Variants in CLIC5 observed in about 807,000 individuals in gnomAD.
CLIC5 encodes the protein chloride intracellular channel protein 5.
Under a neutral mutation model 24.7 loss-of-function variants are expected in CLIC5, and 20 were observed. The observed-to-expected ratio is 0.81, with a 90% CI of 0.57 to 1.18. The LOEUF is 1.18. Ranked by LOEUF, CLIC5 falls within the 50% of genes most tolerant of loss-of-function variation. CLIC5 has a pLI of 0.00. For missense variants in CLIC5, 341 were observed against 326.1 expected, an observed-to-expected ratio of 1.05 and a Z score of -0.35; for synonymous variants, 159 against 135.6, an observed-to-expected ratio of 1.17 and a Z score of -1.20.
At chr6:46,116,392 C>T in the CLIC5 span, among the ~76,000 whole-genome samples, 1 of 152,224 alleles carries the variant, frequency 6.6e-6, no homozygotes, top group South Asian at 2.1e-4. Context: ...CCTACCAGAC[C>T]TGAATTTGAG....
intron 1 of CLIC5, among the ~76,000 whole-genome samples, chr6:46,064,207 A>G (rs1266627935): frequency 6.6e-6 from 1 of 152,174 alleles, no homozygotes; most frequent in African/African-American, 2.4e-5. Flanking sequence ...AAATAATTTG[A>G]AGGAAACAAA....
At chr6:46,082,672 C>T (rs1353978686), upstream of CLIC5, among the ~76,000 whole-genome samples, 2 of 152,066 alleles carry the variant, frequency 1.3e-5, no homozygotes, top group Non-Finnish European at 2.9e-5. Flanking sequence ...TCAATTCCCC[C>T]AACTCCTATA....
chr6:46,005,977 T>TGG (rs1238014603), intron 1 of CLIC5, among the ~76,000 whole-genome samples: 79 of 125,274 alleles, frequency 6.3e-4, no homozygotes, highest in African/African-American at 2.5e-3. Flanking sequence ...AGAGCCTATG[T>TGG]GTGTATATAT....
At chr6:45,983,038 G>T (rs923738042) in intron 1 of CLIC5, among the ~76,000 whole-genome samples, 6 of 152,166 alleles carry the variant, frequency 3.9e-5, no homozygotes, top group African/African-American at 1.4e-4. Context: ...ACAGGGAAAA[G>T]GCCACAAGGT....
upstream of CLIC5, among the ~76,000 whole-genome samples, chr6:46,082,303 A>G (rs1762940927): frequency 6.6e-6 from 1 of 152,244 alleles, no homozygotes; most frequent in Non-Finnish European, 1.5e-5. Context: ...AGATATTTCA[A>G]ATTAGGTCCC....
chr6:45,914,027 CT>C (rs1762917852), intron 5 of CLIC5, among the ~76,000 whole-genome samples, 200 bp downstream of exon 5: 1 of 152,120 alleles, frequency 6.6e-6, no homozygotes, highest in African/African-American at 2.4e-5. Context: ...CAATATATGC[CT>C]ATTTTATAAA....
the CLIC5 span, among the ~76,000 whole-genome samples, chr6:46,096,610 C>A: frequency 3.3e-5 from 5 of 152,336 alleles, no homozygotes; most frequent in African/African-American, 1.2e-4. Context: ...GACATGGCTG[C>A]TGGCCTCCAA....
At position 45,936,812 on chromosome 6, in the gene CLIC5, G is replaced by C. The variant is rs147052391; in HGVS notation, c.406+4735C>G. On this transcript the variant is annotated intron_variant, in intron 4 of 5. Transcript: ENST00000339561. ...CCAGGCGTGTGGGTGAGAGATCTTA[G>C]AGCACAAGAAAACGAAGCAACTTCC... 6.4e-3 allele frequency among the ~76,000 whole-genome samples: 981 copies of C among 152,242 alleles called. 5 individuals are homozygous for C. Among genetic ancestry groups the C allele is most frequent in the Non-Finnish European group, 0.011 (729 of 68,016 alleles).
In CLIC5 at chr6:45,955,154, T is replaced by A. The variant is rs764348630; in HGVS notation, c.154A>T (p.Thr52Ser). ...LWLKGVVFNV[T>S]TVDLKRKPAD... Reference sequence around the variant, plus strand: ...CGTTACCTTTTCAGATCCACAGTGGTGACATTGAACACGACTCCTTTCAGC... The same window carrying A: ...CGTTACCTTTTCAGATCCACAGTGGAGACATTGAACACGACTCCTTTCAGC... Residue 52 changes from threonine to serine, a missense_variant, in exon 2 of 6, where the codon ACC becomes TCC. By Grantham distance (58) the Thr-to-Ser change is moderately conservative (BLOSUM62 1). Transcript: ENST00000339561. 1.9e-5 allele frequency: 31 copies of A among 1,612,704 alleles called. No individual in the cohort carries two copies. The highest frequency in any genetic ancestry group is 2.7e-5 in the African/African-American group (2 of 74,852).
At chr6:45,949,402 A>G in intron 2 of CLIC5, 21 bp from the exon 3 acceptor site, 1 of 1,608,010 alleles carries the variant, frequency 6.2e-7, no homozygotes, top group Non-Finnish European at 8.5e-7. Context: ...AGCAAGATTC[A>G]GGTGTTGGCT....
At chr6:45,925,594 C>T (rs1009459794) in intron 4 of CLIC5, among the ~76,000 whole-genome samples, 2 of 152,210 alleles carry the variant, frequency 1.3e-5, no homozygotes, top group African/African-American at 2.4e-5. Flanking sequence ...AGATTACAGG[C>T]ATGAGCCGTC....
chr6:46,080,181 A>C lies in CLIC5; in HGVS notation c.62T>G (p.Val21Gly), dbSNP rs1218124131. The C allele has an allele frequency of 1.9e-6, 3 of 1,551,532 alleles. No homozygotes were observed. In the South Asian group the frequency reaches 3.6e-5, roughly 18 times the overall value. ...TTCATTTTCTTCTGGCTGGTCTGGAACCTCATACGTCCTCTCATTTTGGAT... is the reference window on the plus strand; with the variant it reads ...TTCATTTTCTTCTGGCTGGTCTGGACCCTCATACGTCCTCTCATTTTGGAT... The change falls in exon 1 of 6, where the codon GTT becomes GGT. Residue 21 changes from valine (V) to glycine (G), a missense_variant. By Grantham distance (109) the Val-to-Gly change is moderately radical. Transcript: ENST00000185206.
chr6:46,090,405 G>GTTT, the CLIC5 span, among the ~76,000 whole-genome samples: 2 of 130,920 alleles, frequency 1.5e-5, no homozygotes, highest in East Asian at 2.7e-4. Context: ...AACTTGATGG[G>GTTT]TTTTTTTTTT....
chr6:46,030,398 A>C (rs1767463891), intron 1 of CLIC5, among the ~76,000 whole-genome samples: 1 of 152,146 alleles, frequency 6.6e-6, no homozygotes, highest in African/African-American at 2.4e-5. Flanking sequence ...ATTTCTGAAT[A>C]AACATAGAAC....
intron 1 of CLIC5, among the ~76,000 whole-genome samples, chr6:46,073,360 A>G (rs1424710845): frequency 6.6e-6 from 1 of 152,218 alleles, no homozygotes; most frequent in Non-Finnish European, 1.5e-5. Context: ...CAGATAGATA[A>G]TATATAAATC....
At chr6:45,985,209 G>T (rs975593736) in intron 1 of CLIC5, among the ~76,000 whole-genome samples, 7 of 152,194 alleles carry the variant, frequency 4.6e-5, no homozygotes, top group Admixed American at 3.9e-4. Context: ...CTGAGCTGTT[G>T]TTCAGTGTGG....
chr6:46,121,432 C>A, the CLIC5 span, among the ~76,000 whole-genome samples: 1 of 152,104 alleles, frequency 6.6e-6, no homozygotes, highest in South Asian at 2.1e-4. Flanking sequence ...CTGAAGGAAG[C>A]ACTAAACATG....
At chr6:46,072,749 T>G (rs1762644213) in intron 1 of CLIC5, among the ~76,000 whole-genome samples, 1 of 152,144 alleles carries the variant, frequency 6.6e-6, no homozygotes. Context: ...AAGGATTTGT[T>G]TCACCCCATA....
chr6:46,018,499 AT>A (rs907110892), upstream of CLIC5, among the ~76,000 whole-genome samples: 2 of 152,256 alleles, frequency 1.3e-5, no homozygotes, highest in South Asian at 2.1e-4. Context: ...TGCAAAAAAA[AT>A]AATTCTTCTT....
Sources: gnomAD v4.1 joint callset for allele counts (sites outside exome capture counted in the v4.1 genomes callset) on GRCh38, gnomAD v4.1.1 for gene constraint, MANE v1.5 for transcripts, NCBI Gene and HGNC (gene_info 2026-07-23, HGNC 2026-07-21) for gene names.